The following LEF1 variants were observed in gnomAD, a reference collection of about 807,000 sequenced individuals.
LEF1 encodes lymphoid enhancer-binding factor 1.
In LEF1, 14 loss-of-function variants were observed where a neutral mutation model predicts 51.2. The observed-to-expected ratio is 0.27, with a 90% CI of 0.18 to 0.43. The LOEUF (loss-of-function observed/expected upper bound fraction) is 0.43, where lower values mean the gene tolerates loss of function less well. LEF1 is among the 20% of genes least tolerant of loss of function. The probability of loss-of-function intolerance (pLI) is 1.00; values close to 1 mark genes in which losing one functional copy is unlikely to be tolerated. For synonymous variants in LEF1, 185 were observed against 183.2 expected, an observed-to-expected ratio of 1.01 and a Z score of -0.08; for missense variants, 386 against 512.0, an observed-to-expected ratio of 0.75 and a Z score of 2.37.
chr4:108,064,322 C>G lies in LEF1; in HGVS notation c.1165+14G>C, dbSNP rs746363914. On this transcript the variant is annotated intron_variant, in intron 10 of 11. Transcript: ENST00000265165. The stretch of plus-strand genomic sequence containing the variant: ...GAAGCCTGAGGATTGACTGGAAAGT[C>G]TCATGGTGCCTACCTGATGCAGATT... The G allele has an allele frequency of 4.4e-6, 7 of 1,603,512 alleles. No individual in the cohort carries two copies. The South Asian group carries it at 7.7e-5, about 18-fold the overall frequency.
rs11946462 is a variant in LEF1, at chr4:108,130,002, G to A, written c.414+33566C>T. Among the ~76,000 whole-genome samples the A allele has an allele frequency of 3.1e-3, 470 of 152,252 alleles. 3 individuals are homozygous for A. The highest frequency in any genetic ancestry group is 0.011 in the African/African-American group (448 of 41,562). ...TATGAGTAACGATACTATTTACAGG[G>A]TGAATGACAACCAAGGTATTCAATA... On this transcript the variant is annotated intron_variant, in intron 3 of 11. Transcript: ENST00000265165.
intron 3 of LEF1, among the ~76,000 whole-genome samples, chr4:108,141,760 G>T (rs1743674652): frequency 6.6e-6 from 1 of 152,128 alleles, no homozygotes; most frequent in South Asian, 2.1e-4. Flanking sequence ...CATTCTGCCA[G>T]CATTCTTAAT....
intron 3 of LEF1, among the ~76,000 whole-genome samples, chr4:108,099,572 A>G (rs13138371): frequency 0.31 from 5,401 of 17,510 alleles, 516 homozygotes; most frequent in African/African-American, 0.39. Flanking sequence ...GTGTGTGTGT[A>G]TATATATATA....
chr4:108,107,192 G>A (rs150579654), intron 3 of LEF1, among the ~76,000 whole-genome samples: 30 of 152,054 alleles, frequency 2.0e-4, no homozygotes, highest in East Asian at 7.7e-4. Flanking sequence ...CCCATGCCTC[G>A]GAAGAAGAGC....
chr4:108,054,395 T>C (rs751315468), intron 11 of LEF1, among the ~76,000 whole-genome samples: 2 of 152,228 alleles, frequency 1.3e-5, no homozygotes, highest in Non-Finnish European at 2.9e-5. Flanking sequence ...TAATTCACTC[T>C]GCAGACGCAG....
chr4:108,105,943 C>A (rs759667306), intron 3 of LEF1, among the ~76,000 whole-genome samples: 7 of 152,224 alleles, frequency 4.6e-5, no homozygotes, highest in African/African-American at 7.2e-5. Context: ...ATTCTAACCA[C>A]CCTCAGTCAG....
At chr4:108,071,440 A>G (rs1042521277) in intron 8 of LEF1, among the ~76,000 whole-genome samples, 1 of 152,028 alleles carries the variant, frequency 6.6e-6, no homozygotes, top group Non-Finnish European at 1.5e-5. Flanking sequence ...GATGGACAGC[A>G]CGGGGCATTA....
chr4:108,065,255 G>A (rs1222806504), intron 9 of LEF1, among the ~76,000 whole-genome samples: 1 of 152,196 alleles, frequency 6.6e-6, no homozygotes, highest in African/African-American at 2.4e-5. Flanking sequence ...AGGAAGCCGA[G>A]GTGAGCAGAT....
intron 11 of LEF1, among the ~76,000 whole-genome samples, chr4:108,052,655 C>G (rs1162492955): frequency 6.6e-6 from 1 of 152,106 alleles, no homozygotes; most frequent in Admixed American, 6.6e-5. Flanking sequence ...TAGTCTAATC[C>G]TGTTTTTTTA....
chr4:108,110,852 T>C (rs1204083334), intron 3 of LEF1, among the ~76,000 whole-genome samples: 2 of 152,242 alleles, frequency 1.3e-5, no homozygotes, highest in African/African-American at 4.8e-5. Flanking sequence ...CAATCTTTCC[T>C]ATTATTTCAA....
chr4:108,056,289 G>A (rs1340999480), intron 11 of LEF1, among the ~76,000 whole-genome samples: 2 of 152,230 alleles, frequency 1.3e-5, no homozygotes, highest in East Asian at 3.8e-4. Flanking sequence ...GGGAGGGACA[G>A]ATGGAAGCAG....
intron 3 of LEF1, among the ~76,000 whole-genome samples, chr4:108,120,660 G>A (rs958359901): frequency 6.6e-5 from 10 of 152,138 alleles, no homozygotes; most frequent in African/African-American, 2.4e-4. Context: ...ATCCACATGT[G>A]ATTTTGCAAC....
chr4:108,134,854 A>G (rs779286470), intron 3 of LEF1, among the ~76,000 whole-genome samples: 14 of 152,234 alleles, frequency 9.2e-5, no homozygotes, highest in Non-Finnish European at 1.5e-4. Flanking sequence ...GAACCCTTTC[A>G]TATACTCAAA....
At chr4:108,130,379 T>C (rs1742795293) in intron 3 of LEF1, among the ~76,000 whole-genome samples, 1 of 152,162 alleles carries the variant, frequency 6.6e-6, no homozygotes, top group Non-Finnish European at 1.5e-5. Flanking sequence ...CCTATGATGC[T>C]GCACTATCAG....
At chr4:108,112,513 C>T (rs1189610546) in intron 3 of LEF1, among the ~76,000 whole-genome samples, 1 of 152,196 alleles carries the variant, frequency 6.6e-6, no homozygotes, top group African/African-American at 2.4e-5. Context: ...TGAATCTCAA[C>T]TCTGACACTT....
At chr4:108,127,069 A>G (rs1187438631) in intron 3 of LEF1, among the ~76,000 whole-genome samples, 1 of 152,174 alleles carries the variant, frequency 6.6e-6, no homozygotes, top group East Asian at 1.9e-4. Context: ...ATGAGGGGCT[A>G]GAAGAATGCT....
At chr4:108,156,193 CCTAA>C (rs1160091329) in intron 3 of LEF1, among the ~76,000 whole-genome samples, 1 of 152,086 alleles carries the variant, frequency 6.6e-6, no homozygotes, top group Non-Finnish European at 1.5e-5. Context: ...GTTTCTAGGA[CCTAA>C]CTAACAGATA....
intron 8 of LEF1, among the ~76,000 whole-genome samples, chr4:108,076,890 G>A (rs1332124830): frequency 1.3e-5 from 2 of 151,930 alleles, no homozygotes; most frequent in Non-Finnish European, 2.9e-5. Flanking sequence ...AGCCAGGTGT[G>A]GTGGTAGGCA....
At chr4:108,090,130 C>T (rs1739920479) in intron 3 of LEF1, among the ~76,000 whole-genome samples, 1 of 152,036 alleles carries the variant, frequency 6.6e-6, no homozygotes, top group African/African-American at 2.4e-5. Flanking sequence ...GCACCCGCCA[C>T]CACATTCAGC....
Sources: allele counts gnomAD v4.1 joint callset (sites outside exome capture counted in the v4.1 genomes callset), GRCh38; gene constraint gnomAD v4.1.1; transcripts MANE v1.5; gene names NCBI Gene and HGNC (gene_info 2026-07-23, HGNC 2026-07-21).